C3: variants seen among roughly 807,000 people sequenced by gnomAD.
C3 encodes C3 and PZP-like alpha-2-macroglobulin domain-containing protein 1.
C3 carries 97 observed loss-of-function variants against 207.9 expected under a neutral mutation model. The ratio of observed to expected loss-of-function variants is 0.47; its 90% confidence interval spans 0.40 to 0.55. C3 has a LOEUF of 0.55. C3 is among the 20% of genes least tolerant of loss of function. The pLI is 0.00. For missense variants in C3, 1,684 were observed against 2,171.7 expected (o/e 0.78, Z 4.46); for synonymous variants, 848 against 857.6 (o/e 0.99, Z 0.20).
At position 6,693,074 on chromosome 19, in the gene C3, G is replaced by T. The variant is rs1330612469; in HGVS notation, c.3240C>A (p.Ala1080=). The T allele has an allele frequency of 6.2e-7, 1 of 1,614,030 alleles. No homozygotes were observed. The highest frequency in any genetic ancestry group is 1.7e-5 in the Admixed American group (1 of 60,026). ...VKRAPSTWLT[A]YVVKVFSLAV... The stretch of plus-strand genomic sequence containing the variant: ...CCAGAGAGAAGACCTTGACCACGTA[G>T]GCGGTCAGCCTGGAGTGGGCACAGA... The change falls in exon 26 of 41, where the codon GCC becomes GCA. Residue 1080 remains alanine (A), a synonymous_variant. Transcript: ENST00000245907.
chr19:6,693,329 G>T (rs1445639499), intron 25 of C3, 83 bp downstream of exon 25: 4 of 1,399,796 alleles, frequency 2.9e-6, no homozygotes, highest in Non-Finnish European at 9.8e-7. Context: ...TGGCCTAAGG[G>T]ACCACCCCTG....
At position 6,700,310 on chromosome 19, in the gene C3, T is replaced by A. The variant is rs778179989; in HGVS notation, c.2440+1817A>T. Among the ~76,000 whole-genome samples, 2 of 13,288 alleles carry A rather than the reference T, an allele frequency of 1.5e-4. 1 individual carries two copies. Among genetic ancestry groups the A allele is most frequent in the South Asian group, 7.0e-3 (2 of 284 alleles). The allele number at this position is 13,288 out of a possible 152,430, so 8.7% of individuals were successfully genotyped here. ...TTATATATGTGATATGCAATATATA[T>A]TATATGTAATATAACATATTACATG... On this transcript the variant is annotated intron_variant, in intron 19 of 40. Coordinates refer to ENST00000245907, the MANE Select transcript of C3 (RefSeq NM_000064.4).
At chr19:6,692,586 A>T (rs1318071866) in intron 26 of C3, among the ~76,000 whole-genome samples, 2 of 152,248 alleles carry the variant, frequency 1.3e-5, no homozygotes, top group Non-Finnish European at 2.9e-5. Flanking sequence ...GAAGGAGGTG[A>T]TTCTTATAAC....
intron 14 of C3, among the ~76,000 whole-genome samples, chr19:6,708,464 TTC>T (rs1967832126): frequency 6.6e-6 from 1 of 151,634 alleles, no homozygotes; most frequent in Non-Finnish European, 1.5e-5. Context: ...TTTCTTTTCT[TTC>T]TGTCTTCTTT....
intron 37 of C3, 51 bp downstream of exon 37, chr19:6,679,356 G>T: frequency 1.3e-6 from 2 of 1,489,954 alleles, no homozygotes; most frequent in Non-Finnish European, 1.9e-6. Context: ...AGATGACCTG[G>T]GTAAGTGTGG....
At chr19:6,702,725 C>T in intron 17 of C3, 146 bp from the exon 18 acceptor site, 1 of 683,076 alleles carries the variant, frequency 1.5e-6, no homozygotes, top group Non-Finnish European at 2.7e-6. Flanking sequence ...TGGTGAAACC[C>T]ATCTCTACTA....
At chr19:6,696,569 C>G (rs765866376) in intron 22 of C3, 24 bp downstream of exon 22, 1 of 1,612,526 alleles carries the variant, frequency 6.2e-7, no homozygotes, top group Non-Finnish European at 8.5e-7. Flanking sequence ...AGCCCCTCAG[C>G]CCCTCCCCCT....
At position 6,708,070 on chromosome 19, in the gene C3, C is replaced by T. The variant is rs1967820036; in HGVS notation, c.1846-141G>A. On this transcript the variant is annotated intron_variant, in intron 14 of 40. Coordinates refer to ENST00000245907, the MANE Select transcript of C3 (RefSeq NM_000064.4). ...TCCCCCATTCCTGCTTCTGCCCTTC[C>T]TTTCTCTTTCTCTTTCCTTCCTTCC... The T allele has an allele frequency of 3.5e-5, 29 of 824,710 alleles. No individual in the cohort carries two copies. In the South Asian group the frequency reaches 4.5e-4, roughly 13 times the overall value. The allele number at this position is 824,710 out of a possible 1,614,324, so 51.1% of individuals were successfully genotyped here.
At chr19:6,681,817 CCT>C (rs1917869208) in intron 35 of C3, 122 bp downstream of exon 35, 1 of 796,942 alleles carries the variant, frequency 1.3e-6, no homozygotes, top group Non-Finnish European at 2.3e-6. Context: ...CAGCACAGAC[CCT>C]GTCTCCTCTG....
intron 29 of C3, 27 bp downstream of exon 29, chr19:6,686,097 G>A (rs1230980239): frequency 1.2e-6 from 2 of 1,612,552 alleles, no homozygotes; most frequent in Non-Finnish European, 1.7e-6. Flanking sequence ...AGGGATGCAT[G>A]TGCCTAGGGG....
intron 37 of C3, 90 bp downstream of exon 37, chr19:6,679,317 A>T: frequency 2.1e-6 from 3 of 1,430,460 alleles, no homozygotes; most frequent in Non-Finnish European, 3.0e-6. Flanking sequence ...TCCCCTGGGT[A>T]TGGGTCTGGG....
chr19:6,695,540 C>T (rs886805436), intron 23 of C3, among the ~76,000 whole-genome samples: 13 of 152,050 alleles, frequency 8.5e-5, no homozygotes, highest in Non-Finnish European at 1.8e-4. Context: ...AGTGCAGTGG[C>T]CTGATCTCGG....
chr19:6,711,026 G>A lies in C3; in HGVS notation c.1440C>T (p.Asp480=). The change falls in exon 12 of 41, where the codon GAC becomes GAT. Residue 480 remains aspartate, a synonymous_variant. Coordinates refer to ENST00000245907, the MANE Select transcript of C3 (RefSeq NM_000064.4). ...AGCGGATCTTGGCCTCGTGGGCGCG[G>A]TCCATTCGCAGGAGGAAGTTGACGT... is the stretch of plus-strand genomic sequence containing the variant. ...TLNVNFLLRM[D]RAHEAKIRYY... The A allele has an allele frequency of 6.2e-7, 1 of 1,614,152 alleles. No individual in the cohort carries two copies. Among genetic ancestry groups the A allele is most frequent in the South Asian group, 1.1e-5 (1 of 91,082 alleles).
chr19:6,702,422 A>T, intron 18 of C3, 49 bp downstream of exon 18: 2 of 1,260,164 alleles, frequency 1.6e-6, no homozygotes, highest in Non-Finnish European at 2.3e-6. Flanking sequence ...CATGCAAATT[A>T]AACGGTCTGA....
rs765147079 is a variant in C3, at chr19:6,679,187, G to A, written c.4568C>T (p.Ser1523Leu). 10 of 1,614,108 alleles carry A rather than the reference G, an allele frequency of 6.2e-6. No homozygotes were observed. The South Asian group carries it at 6.6e-5, about 11-fold the overall frequency. ...CAEENCFIQK[S>L]DDKVTLEERL... ...TTCTTCCAGGGTGACCTTGTCATCC[G>A]ACTTTTGTATGAAGCAATTCTCTGC... The change falls in exon 38 of 41, where the codon TCG becomes TTG. Residue 1523 changes from serine (S) to leucine (L), a missense_variant. By Grantham distance (145) the Ser-to-Leu change is moderately radical. Around this residue, in one of 3 missense-constraint regions of C3, gnomAD observed 346 missense variants for 380.1 expected, o/e 0.91. Transcript: ENST00000245907.
intron 35 of C3, among the ~76,000 whole-genome samples, chr19:6,681,385 A>T (rs1281433849): frequency 6.7e-6 from 1 of 148,804 alleles, no homozygotes; most frequent in Non-Finnish European, 1.5e-5. Flanking sequence ...CATAATATTT[A>T]TGAAAAAAAA....
chr19:6,712,461 G>A, intron 10 of C3, 47 bp downstream of exon 10: 1 of 1,614,120 alleles, frequency 6.2e-7, no homozygotes, highest in South Asian at 1.1e-5. Flanking sequence ...GCTGTGGCCG[G>A]TGTCCCCGAA....
In C3 at chr19:6,686,738, A is replaced by G. The variant is rs771589635; in HGVS notation, c.3646+8T>C. The G allele has an allele frequency of 6.2e-7, 1 of 1,613,272 alleles. No individual in the cohort carries two copies. Among genetic ancestry groups the G allele is most frequent in the Non-Finnish European group, 8.5e-7 (1 of 1,179,990 alleles). On this transcript the variant is annotated splice_region_variant and intron_variant, in intron 28 of 40. Transcript: ENST00000245907. ...CATCTCCCTTCACCCCTCCAGGCCA[A>G]CCCTCACCTTTGGCTGTGGTCAGAA... is the stretch of plus-strand genomic sequence containing the variant.
In C3 at chr19:6,693,564, G is replaced by A. The variant is rs916068852; in HGVS notation, c.3155-77C>T. The A allele has an allele frequency of 3.1e-6, 4 of 1,306,486 alleles. No homozygotes were observed. The African/African-American group carries it at 4.4e-5, about 14-fold the overall frequency. The allele number at this position is 1,306,486 out of a possible 1,614,324, so 80.9% of individuals were successfully genotyped here. ...GCACGCCAGAAAGGGCAGGGGCGGGGTGCAGAGAGGGGACAGGGGCTCAGG... is the reference window on the plus strand; with the variant it reads ...GCACGCCAGAAAGGGCAGGGGCGGGATGCAGAGAGGGGACAGGGGCTCAGG... On this transcript the variant is annotated intron_variant, in intron 24 of 40. Transcript: ENST00000245907.
Sources: allele counts gnomAD v4.1 joint callset (sites outside exome capture counted in the v4.1 genomes callset), GRCh38; gene constraint gnomAD v4.1.1; regional missense constraint gnomAD v4.1.1; transcripts MANE v1.5; gene names NCBI Gene and HGNC (gene_info 2026-07-23, HGNC 2026-07-21).